Variants in DCDC1 observed in about 807,000 individuals in gnomAD.
DCDC1 encodes doublecortin domain containing 1, also known as doublecortin domain-containing protein 1.
A neutral mutation model predicts 178.3 loss-of-function variants in DCDC1; 200 were observed. That is an observed-to-expected ratio of 1.12 (90% CI 1.00 to 1.26). The LOEUF (loss-of-function observed/expected upper bound fraction) is 1.26, where lower values mean the gene tolerates loss of function less well. Among genes scored for constraint, DCDC1 ranks in the 50% most tolerant of loss-of-function variants. The pLI is 0.00. For missense variants in DCDC1, 1,983 were observed against 1,749.2 expected (o/e 1.13, Z -2.38); for synonymous variants, 690 against 604.8 (o/e 1.14, Z -2.07).
chr11:31,269,896 C>T (rs1591597080), intron 7 of DCDC1, among the ~76,000 whole-genome samples: 1 of 152,188 alleles, frequency 6.6e-6, no homozygotes, highest in South Asian at 2.1e-4. Context: ...ATGGCCAGAA[C>T]CTCTGGGTTG....
chr11:31,166,535 C>A (rs1269600487), intron 9 of DCDC1, among the ~76,000 whole-genome samples: 1 of 152,038 alleles, frequency 6.6e-6, no homozygotes, highest in Admixed American at 6.6e-5. Context: ...ATTACAAATG[C>A]TTGAAACAGC....
At chr11:31,011,274 T>A (rs761920248) in intron 20 of DCDC1, among the ~76,000 whole-genome samples, 1 of 152,200 alleles carries the variant, frequency 6.6e-6, no homozygotes, top group Non-Finnish European at 1.5e-5. Flanking sequence ...TTAAAAGACA[T>A]TTAGCACAGT....
In DCDC1 at chr11:31,305,618, T is replaced by A. The variant is rs1382150841; in HGVS notation, c.751A>T (p.Lys251Ter). 13 of 1,613,278 alleles carry A rather than the reference T, an allele frequency of 8.1e-6. No individual in the cohort carries two copies. Among genetic ancestry groups the A allele is most frequent in the Non-Finnish European group, 1.1e-5 (13 of 1,179,580 alleles). Reference protein sequence around the residue: ...EPFLNPFKKIKDHLLLIKKVT... With the variant: ...EPFLNPFKKI ...GTATTTTTTAGATCTTTTTTACCTTTAATTTTTTTGAATGGATTTAAAAAG... is the reference window on the plus strand; with the variant it reads ...GTATTTTTTAGATCTTTTTTACCTTAAATTTTTTTGAATGGATTTAAAAAG... Residue 251 changes from lysine (K) to a stop codon, truncating the protein, a stop_gained, in exon 6 of 39, where the codon AAA (lysine) becomes TAA (stop). Coordinates refer to ENST00000684477, the MANE Select transcript of DCDC1 (RefSeq NM_001387274.1). LOFTEE classifies it high-confidence loss of function.
At chr11:31,170,478 C>A (rs1013192190) in intron 9 of DCDC1, among the ~76,000 whole-genome samples, 16 of 152,138 alleles carry the variant, frequency 1.1e-4, no homozygotes, top group African/African-American at 3.9e-4. Context: ...ATTATTGTTT[C>A]AAAATTTAGT....
intron 8 of DCDC1, among the ~76,000 whole-genome samples, chr11:31,258,833 AT>A (rs1944587684): frequency 6.6e-6 from 1 of 152,178 alleles, no homozygotes; most frequent in Non-Finnish European, 1.5e-5. Context: ...AACCACTGTG[AT>A]TGAAGATGCC....
chr11:31,238,702 C>A (rs1361974919), intron 9 of DCDC1, among the ~76,000 whole-genome samples: 1 of 152,120 alleles, frequency 6.6e-6, no homozygotes. Context: ...TGCGTTTATG[C>A]AATTGCAAAG....
At chr11:31,131,429 A>G (rs933091642) in intron 10 of DCDC1, among the ~76,000 whole-genome samples, 2 of 152,172 alleles carry the variant, frequency 1.3e-5, no homozygotes, top group African/African-American at 4.8e-5. Context: ...TAATTCTACA[A>G]GAAAGTTGTA....
intron 21 of DCDC1, chr11:30,943,201 T>TC: frequency 6.6e-6 from 1 of 152,454 alleles, no homozygotes; most frequent in East Asian, 1.9e-4. Flanking sequence ...TTTTTTTTTT[T>TC]ATCTCTCTCT....
At chr11:30,961,268 C>A (rs1344313466) in intron 20 of DCDC1, among the ~76,000 whole-genome samples, 2 of 151,994 alleles carry the variant, frequency 1.3e-5, no homozygotes, top group Non-Finnish European at 2.9e-5. Context: ...AAAAACAAAT[C>A]TAAATGTGCC....
intron 10 of DCDC1, among the ~76,000 whole-genome samples, chr11:31,129,301 A>T (rs1297350163): frequency 6.6e-6 from 1 of 152,100 alleles, no homozygotes; most frequent in Non-Finnish European, 1.5e-5. Context: ...GTTAACTTAA[A>T]ATGATTCCTA....
At chr11:31,293,844 T>C (rs1314282018) in intron 6 of DCDC1, among the ~76,000 whole-genome samples, 3 of 152,208 alleles carry the variant, frequency 2.0e-5, no homozygotes, top group Non-Finnish European at 4.4e-5. Context: ...GCTGTGCTCC[T>C]AATCACTGCA....
At chr11:31,309,075 G>A (rs946307792) in intron 3 of DCDC1, among the ~76,000 whole-genome samples, 3 of 151,922 alleles carry the variant, frequency 2.0e-5, no homozygotes, top group Admixed American at 2.0e-4. Context: ...TCACAAACGA[G>A]TAAAATGGTC....
chr11:31,141,778 A>G (rs1963855592), intron 9 of DCDC1, among the ~76,000 whole-genome samples: 1 of 152,142 alleles, frequency 6.6e-6, no homozygotes. Flanking sequence ...ATTTTTTTGG[A>G]AAGTGCATTT....
At chr11:31,246,080 A>C (rs1223831687) in intron 8 of DCDC1, among the ~76,000 whole-genome samples, 1 of 151,996 alleles carries the variant, frequency 6.6e-6, no homozygotes, top group Non-Finnish European at 1.5e-5. Flanking sequence ...TCCTACATTG[A>C]AAGGGCCATG....
Position 30,931,895 on chromosome 11 carries a change from G to C in DCDC1, c.2773C>G (p.Pro925Ala). Reference sequence around the variant, plus strand: ...TATGGCTCTGTTGTCTTACAGATGGGTTTCTTCATGGGAGGACTGCTCGGA... The same window carrying C: ...TATGGCTCTGTTGTCTTACAGATGGCTTTCTTCATGGGAGGACTGCTCGGA... ...LVPSSPPMKKPICKTTEPYAP... is the reference protein window; with the variant it reads ...LVPSSPPMKKAICKTTEPYAP... Residue 925 changes from proline to alanine, a missense_variant, in exon 22 of 39, where the codon CCC (proline) becomes GCC (alanine). Transcript: ENST00000684477. The C allele has an allele frequency of 6.2e-7, 1 of 1,613,082 alleles. No individual in the cohort carries two copies. The highest frequency in any genetic ancestry group is 8.5e-7 in the Non-Finnish European group (1 of 1,179,392).
At chr11:30,934,249 A>G (rs1371089507) in intron 21 of DCDC1, among the ~76,000 whole-genome samples, 1 of 152,184 alleles carries the variant, frequency 6.6e-6, no homozygotes, top group African/African-American at 2.4e-5. Flanking sequence ...TATCAAGTCA[A>G]CATATGTATT....
chr11:31,078,972 C>G (rs571934635), intron 17 of DCDC1, among the ~76,000 whole-genome samples: 1 of 152,204 alleles, frequency 6.6e-6, no homozygotes, highest in South Asian at 2.1e-4. Context: ...AATGTTTAAA[C>G]TTAGAAATAG....
At chr11:31,189,026 G>C (rs909490096) in intron 9 of DCDC1, among the ~76,000 whole-genome samples, 2 of 152,164 alleles carry the variant, frequency 1.3e-5, no homozygotes, top group African/African-American at 2.4e-5. Flanking sequence ...TTGGAGCAGA[G>C]AGCAAGCCCT....
At chr11:31,284,163 C>A (rs1018721181) in intron 7 of DCDC1, among the ~76,000 whole-genome samples, 1 of 152,048 alleles carries the variant, frequency 6.6e-6, no homozygotes, top group Admixed American at 6.6e-5. Context: ...ATGGAATGGC[C>A]AGTCTGATAC....
Sources: allele counts gnomAD v4.1 joint callset (sites outside exome capture counted in the v4.1 genomes callset), GRCh38; gene constraint gnomAD v4.1.1; transcripts MANE v1.5; gene names NCBI Gene and HGNC (gene_info 2026-07-23, HGNC 2026-07-21).